The following SEL1L3 variants were observed in gnomAD, a reference collection of about 807,000 sequenced individuals.
SEL1L3 encodes the protein SEL1L family member 3.
SEL1L3 carries 76 observed loss-of-function variants against 142.8 expected under a neutral mutation model. The ratio of observed to expected loss-of-function variants is 0.53; its 90% CI spans 0.44 to 0.64. SEL1L3 has a LOEUF of 0.64. Ranked by LOEUF, SEL1L3 falls within the 30% of genes least tolerant of loss-of-function variation. The pLI, the probability that SEL1L3 is intolerant of heterozygous loss-of-function variation, is 0.00. For synonymous variants in SEL1L3, 504 were observed against 519.6 expected (o/e 0.97, Z 0.41); for missense variants, 1,262 against 1,381.7 (o/e 0.91, Z 1.37).
chr4:25,826,762 T>C (rs1187053624), intron 6 of SEL1L3, among the ~76,000 whole-genome samples: 1 of 152,148 alleles, frequency 6.6e-6, no homozygotes, highest in African/African-American at 2.4e-5. Flanking sequence ...CAATCTTGGC[T>C]CTCTGCAACC....
At chr4:25,715,825 A>G in the SEL1L3 span, among the ~76,000 whole-genome samples, 4 of 152,144 alleles carry the variant, frequency 2.6e-5, no homozygotes, top group East Asian at 1.9e-4. Flanking sequence ...CCCAAGATGC[A>G]TAACAGTGTA....
At chr4:25,726,304 C>A in the SEL1L3 span, among the ~76,000 whole-genome samples, 2 of 151,632 alleles carry the variant, frequency 1.3e-5, no homozygotes, top group African/African-American at 4.8e-5. Context: ...CCAAGGCGGG[C>A]AGATCACGAG....
At chr4:25,809,059 T>C (rs1179235771) in intron 9 of SEL1L3, among the ~76,000 whole-genome samples, 46 of 137,030 alleles carry the variant, frequency 3.4e-4, no homozygotes, top group African/African-American at 1.0e-3. Context: ...GGCGACAGAG[T>C]GAGACTCTGT....
At chr4:25,786,567 CG>C (rs1711845820) in intron 13 of SEL1L3, among the ~76,000 whole-genome samples, 1 of 152,166 alleles carries the variant, frequency 6.6e-6, no homozygotes, top group Non-Finnish European at 1.5e-5. Flanking sequence ...GGACAGCGAT[CG>C]GCCTCCACTC....
chr4:25,759,124 A>C, intron 20 of SEL1L3, 56 bp from the exon 21 acceptor site: 1 of 1,578,326 alleles, frequency 6.3e-7, no homozygotes, highest in Non-Finnish European at 8.6e-7. Context: ...ACCTAGACAC[A>C]CACTCTTCAT....
At chr4:25,834,488 T>C (rs1715660597) in intron 3 of SEL1L3, among the ~76,000 whole-genome samples, 1 of 152,240 alleles carries the variant, frequency 6.6e-6, no homozygotes, top group South Asian at 2.1e-4. Flanking sequence ...CCCAGGTTCT[T>C]TGCAGATACA....
At chr4:25,831,513 T>TAATAATA (rs1560340097) in intron 5 of SEL1L3, among the ~76,000 whole-genome samples, 73 of 100,822 alleles carry the variant, frequency 7.2e-4, no homozygotes, top group South Asian at 4.2e-3. Context: ...TAATAATAAT[T>TAATAATA]ATTATTATTA....
At chr4:25,721,364 T>C in the SEL1L3 span, among the ~76,000 whole-genome samples, 1 of 152,064 alleles carries the variant, frequency 6.6e-6, no homozygotes, top group South Asian at 2.1e-4. Flanking sequence ...CCTCCAGCAA[T>C]GTGGGGCCAC....
At chr4:25,806,026 T>G (rs1422188317) in intron 9 of SEL1L3, among the ~76,000 whole-genome samples, 2 of 149,326 alleles carry the variant, frequency 1.3e-5, no homozygotes, top group South Asian at 2.1e-4. Flanking sequence ...GGGTTTTTTT[T>G]GTTTTGTTTT....
At chr4:25,776,664 A>G in intron 16 of SEL1L3, 1 of 237,838 alleles carries the variant, frequency 4.2e-6, no homozygotes, top group Non-Finnish European at 8.3e-6. Context: ...CTAGTACTCT[A>G]TTAAGTCATG....
chr4:25,792,872 GTTTTTC>G (rs922234875), intron 11 of SEL1L3, among the ~76,000 whole-genome samples: 1 of 152,048 alleles, frequency 6.6e-6, no homozygotes, highest in African/African-American at 2.4e-5. Flanking sequence ...ATTTTTGGTT[GTTTTTC>G]TTTTTCTCCT....
At chr4:25,718,539 A>T in the SEL1L3 span, 3 of 152,312 alleles carry the variant, frequency 2.0e-5, no homozygotes, top group Middle Eastern at 6.8e-3. Context: ...AAGGGTCTGG[A>T]TGAGGATAGG....
At chr4:25,860,135 G>A (rs1717591937) in intron 1 of SEL1L3, among the ~76,000 whole-genome samples, 2 of 152,224 alleles carry the variant, frequency 1.3e-5, no homozygotes, top group African/African-American at 4.8e-5. Flanking sequence ...GGAGATTATA[G>A]TAGCTCCTAC....
chr4:25,728,610 C>T, the SEL1L3 span, among the ~76,000 whole-genome samples: 5 of 152,224 alleles, frequency 3.3e-5, no homozygotes, highest in East Asian at 9.7e-4. Context: ...CTTAATACTA[C>T]CAGTCATTCC....
At chr4:25,821,020 G>A (rs1191812962) in intron 7 of SEL1L3, among the ~76,000 whole-genome samples, 1 of 152,146 alleles carries the variant, frequency 6.6e-6, no homozygotes, top group Non-Finnish European at 1.5e-5. Flanking sequence ...GAGCCACCAC[G>A]CTTGGCTGAT....
At chr4:25,801,288 AG>A (rs1383692309) in intron 11 of SEL1L3, among the ~76,000 whole-genome samples, 1 of 152,244 alleles carries the variant, frequency 6.6e-6, no homozygotes, top group Non-Finnish European at 1.5e-5. Flanking sequence ...CTGTAATCCC[AG>A]CAACTCAGGA....
intron 9 of SEL1L3, among the ~76,000 whole-genome samples, chr4:25,805,148 T>C (rs367949649): frequency 6.6e-6 from 1 of 152,244 alleles, no homozygotes; most frequent in Non-Finnish European, 1.5e-5. Flanking sequence ...TCTTAGGTAC[T>C]GCTCTAAAAA....
At chr4:25,716,922 T>C in the SEL1L3 span, among the ~76,000 whole-genome samples, 5 of 151,898 alleles carry the variant, frequency 3.3e-5, no homozygotes, top group Non-Finnish European at 7.4e-5. Context: ...AGCCCAGGAG[T>C]TCGAGACCAG....
intron 17 of SEL1L3, among the ~76,000 whole-genome samples, chr4:25,774,670 G>A (rs1719480488): frequency 6.6e-6 from 1 of 152,168 alleles, no homozygotes; most frequent in Non-Finnish European, 1.5e-5. Context: ...GACCAGCCTG[G>A]CCAACATGAA....
Sources: gnomAD v4.1 joint callset for allele counts (sites outside exome capture counted in the v4.1 genomes callset) on GRCh38, gnomAD v4.1.1 for gene constraint, MANE v1.5 for transcripts, NCBI Gene and HGNC (gene_info 2026-07-23, HGNC 2026-07-21) for gene names.